LHPP: variants seen among roughly 807,000 people sequenced by gnomAD.
The protein encoded by LHPP is phospholysine phosphohistidine inorganic pyrophosphate phosphatase.
LHPP carries 24 observed loss-of-function variants against 30.3 expected under a neutral mutation model. The observed-to-expected ratio is 0.79, with a 90% CI of 0.57 to 1.11. The LOEUF (loss-of-function observed/expected upper bound fraction) is 1.11. Ranked by LOEUF, LHPP falls within the 50% of genes most tolerant of loss-of-function variation. The pLI is 0.00. For missense variants in LHPP, 356 were observed against 367.2 expected (o/e 0.97, Z 0.25); for synonymous variants, 150 against 157.1 (o/e 0.95, Z 0.34).
intron 1 of LHPP, among the ~76,000 whole-genome samples, chr10:124,472,543 T>A (rs1389854579): frequency 1.3e-5 from 2 of 151,818 alleles, no homozygotes; most frequent in East Asian, 3.9e-4. Context: ...AGCTGTAGAA[T>A]AATGTGTATA....
intron 1 of LHPP, among the ~76,000 whole-genome samples, chr10:124,476,981 G>A (rs1952968621): frequency 6.6e-6 from 1 of 152,216 alleles, no homozygotes; most frequent in South Asian, 2.1e-4. Context: ...GCTGAGACTG[G>A]CGGATCACGA....
At chr10:124,571,644 A>T (rs1948585460) in intron 6 of LHPP, among the ~76,000 whole-genome samples, 1 of 152,136 alleles carries the variant, frequency 6.6e-6, no homozygotes, top group Non-Finnish European at 1.5e-5. Context: ...AGTCCAGTTC[A>T]TTTATGAGAT....
rs778834983 is a variant in LHPP, at chr10:124,517,210, G to A, written c.655G>A (p.Asp219Asn). 1.6e-5 allele frequency: 25 copies of A among 1,606,386 alleles called. No homozygotes were observed. Among genetic ancestry groups the A allele is most frequent in the Middle Eastern group, 1.6e-4 (1 of 6,064 alleles). ...CATGATTGGGGACGATATCGTGGGC[G>A]ACGTCGGCGGTGCCCAGCGGTGTGG... ...AVMIGDDIVG[D>N]VGGAQRCGMR... Residue 219 changes from aspartate to asparagine, a missense_variant, in exon 6 of 7, where the codon GAC becomes AAC. Asp to Asn is a conservative substitution (Grantham distance 23, BLOSUM62 1). Transcript: ENST00000368842. This position sits in a 1 kb window ranked among gnomAD's most constrained non-coding sequence, Gnocchi z 4.1.
intron 6 of LHPP, among the ~76,000 whole-genome samples, chr10:124,581,507 C>T (rs551996910): frequency 1.3e-5 from 2 of 152,152 alleles, no homozygotes; most frequent in African/African-American, 2.4e-5. Context: ...CCATTTTATG[C>T]CATTTTACAT....
chr10:124,497,692 G>T (rs1037354887), intron 4 of LHPP, among the ~76,000 whole-genome samples: 2 of 152,320 alleles, frequency 1.3e-5, no homozygotes, highest in South Asian at 2.1e-4. Context: ...GGGGAGAAGA[G>T]GGGGAGAAGG....
intron 1 of LHPP, among the ~76,000 whole-genome samples, chr10:124,482,152 T>C (rs889368064): frequency 6.6e-6 from 1 of 152,242 alleles, no homozygotes; most frequent in African/African-American, 2.4e-5. Context: ...AGATGGAAGT[T>C]GATTTCAAGC....
rs1953718495 is a variant in LHPP, at chr10:124,496,659, C to G, written c.468-302C>G. 1.3e-5 allele frequency among the ~76,000 whole-genome samples: 2 copies of G among 152,194 alleles called. No homozygotes were observed. Among genetic ancestry groups the G allele is most frequent in the African/African-American group, 2.4e-5 (1 of 41,450 alleles). On this transcript the variant is annotated intron_variant, in intron 3 of 6. Transcript: ENST00000368842. This position sits in a 1 kb window ranked among gnomAD's most constrained non-coding sequence, Gnocchi z 4.3. ...ACTGAAACCGTCTGCCTTCTGGGTC[C>G]CCTGTTAATCATTGCAGCAGGGTCC... is the stretch of plus-strand genomic sequence containing the variant.
chr10:124,584,201 T>C (rs1452417400), intron 6 of LHPP, among the ~76,000 whole-genome samples: 3 of 96,382 alleles, frequency 3.1e-5, no homozygotes, highest in African/African-American at 5.7e-5. Flanking sequence ...GGAGACCCCA[T>C]CTCTGAAAAA....
chr10:124,463,858 G>A (rs1406115085), intron 1 of LHPP, among the ~76,000 whole-genome samples: 1 of 109,540 alleles, frequency 9.1e-6, no homozygotes, highest in Non-Finnish European at 1.8e-5. Context: ...GTCTTACTTT[G>A]CCACCCAGGC....
intron 6 of LHPP, among the ~76,000 whole-genome samples, chr10:124,547,131 C>T (rs560942651): frequency 1.3e-5 from 2 of 152,116 alleles, no homozygotes; most frequent in Non-Finnish European, 2.9e-5. Flanking sequence ...CTTCATGGTG[C>T]GTCCCAGATA....
At chr10:124,507,870 G>T (rs1446829174) in intron 5 of LHPP, among the ~76,000 whole-genome samples, 2 of 58,762 alleles carry the variant, frequency 3.4e-5, no homozygotes, top group Non-Finnish European at 7.3e-5. Context: ...GATTTCAGGT[G>T]GGGGGGTAGG....
At chr10:124,583,829 ATAT>A (rs1948771207) in intron 6 of LHPP, among the ~76,000 whole-genome samples, 1 of 152,222 alleles carries the variant, frequency 6.6e-6, no homozygotes. Flanking sequence ...GTGGGGACAA[ATAT>A]TCAAACTAAA....
chr10:124,539,987 G>T (rs1232164014), intron 6 of LHPP, among the ~76,000 whole-genome samples: 1 of 152,158 alleles, frequency 6.6e-6, no homozygotes, highest in African/African-American at 2.4e-5. Context: ...AGCACTCACC[G>T]CACTTCCTGG....
intron 3 of LHPP, chr10:124,490,558 G>A (rs189195318): frequency 7.5e-4 from 247 of 328,032 alleles, no homozygotes; most frequent in African/African-American, 2.8e-3. Context: ...TAGCAATCTG[G>A]TTCTTCTTAG....
chr10:124,597,151 A>G (rs1477349239), intron 6 of LHPP, among the ~76,000 whole-genome samples: 4 of 151,692 alleles, frequency 2.6e-5, no homozygotes, highest in African/African-American at 9.7e-5. Context: ...CGGCTTCCCT[A>G]CTTTTGAGGA....
At position 124,613,480 on chromosome 10, in the gene LHPP, TCCTCCACCCCTGCCTCC is replaced by T. The variant is rs1464759506; in HGVS notation, c.*129_*145del. The T allele has an allele frequency of 1.6e-5, 11 of 672,100 alleles. No individual in the cohort carries two copies. The East Asian group carries it at 2.0e-4, about 12-fold the overall frequency. 41.6% of individuals were successfully genotyped at this position (672,100 alleles called of 1,614,324 possible). A position where few individuals can be genotyped will look rare whatever the true frequency, so the allele number is the denominator to read the frequency against. On this transcript the variant is annotated 3_prime_UTR_variant, in exon 7 of 7. Transcript: ENST00000368842. ...GCCCCACCTCCTCCACCCCTGCCTC[TCCTCCACCCCTGCCTCC>T]CCTCCACCTGCCCCAGTGCCCAGAC...
At chr10:124,489,387 G>A (rs183114655) in intron 3 of LHPP, among the ~76,000 whole-genome samples, 66 of 152,268 alleles carry the variant, frequency 4.3e-4, no homozygotes, top group Non-Finnish European at 7.9e-4. Flanking sequence ...AACAATATTT[G>A]TGACTGACTT....
At chr10:124,610,461 A>C (rs1399156549) in intron 6 of LHPP, among the ~76,000 whole-genome samples, 10,718 of 73,454 alleles carry the variant, frequency 0.15, 2,741 homozygotes, top group Middle Eastern at 0.27. Context: ...GGTGAGGGTG[A>C]GGGTGAGGGT....
At chr10:124,579,577 G>T (rs969083010) in intron 6 of LHPP, among the ~76,000 whole-genome samples, 15 of 152,194 alleles carry the variant, frequency 9.9e-5, no homozygotes, top group African/African-American at 3.6e-4. Context: ...AGCTCTGGAT[G>T]TGTCTCCTTG....
Sources: gnomAD v4.1 joint callset for allele counts (sites outside exome capture counted in the v4.1 genomes callset) on GRCh38, gnomAD v4.1.1 for gene constraint, Gnocchi (gnomAD v3.1) non-coding constraint, MANE v1.5 for transcripts, NCBI Gene and HGNC (gene_info 2026-07-23, HGNC 2026-07-21) for gene names.